The following FGF18 variants were observed in gnomAD, a reference collection of about 807,000 sequenced individuals.
FGF18 encodes fibroblast growth factor 18.
Under a neutral mutation model 23.0 loss-of-function variants are expected in FGF18, and 5 were observed. The observed-to-expected ratio is 0.22, with a 90% CI of 0.11 to 0.46. The LOEUF (loss-of-function observed/expected upper bound fraction) is 0.46. Among genes scored for constraint, FGF18 ranks in the 20% least tolerant of loss-of-function variants. The pLI, the probability that FGF18 is intolerant of heterozygous loss-of-function variation, is 0.99. For synonymous variants in FGF18, 117 were observed against 118.9 expected, an observed-to-expected ratio of 0.98 and a Z score of 0.10; for missense variants, 180 against 291.6, an observed-to-expected ratio of 0.62 and a Z score of 2.79.
rs980485436 is a variant in FGF18, at chr5:171,434,024, G to T, written c.70-2069G>T. On this transcript the variant is annotated intron_variant, in intron 2 of 4. Coordinates refer to ENST00000274625, the MANE Select transcript of FGF18 (RefSeq NM_003862.3). The surrounding 1 kb of genome is among the most constrained non-coding windows in gnomAD (Gnocchi z 4.6). ...TTTATAGGTGAGGAAACAGGCACTA[G>T]AGTTTAATAACTTGCATAAGGTCCC... Among the ~76,000 whole-genome samples the T allele has an allele frequency of 4.6e-5, 7 of 152,220 alleles. No homozygotes were observed. Among genetic ancestry groups the T allele is most frequent in the African/African-American group, 1.7e-4 (7 of 41,456 alleles).
chr5:171,420,594 G>T, intron 2 of FGF18, 151 bp downstream of exon 2: 1 of 743,084 alleles, frequency 1.3e-6, no homozygotes, highest in Non-Finnish European at 2.2e-6. Context: ...GGGCGGCTCC[G>T]CGTGCGCCCT....
At chr5:171,420,503 C>T in intron 2 of FGF18, 60 bp downstream of exon 2, 1 of 1,525,970 alleles carries the variant, frequency 6.6e-7, no homozygotes, top group Non-Finnish European at 9.1e-7. Flanking sequence ...ACGCCGACCC[C>T]CCTTCCCCGG....
intron 2 of FGF18, among the ~76,000 whole-genome samples, chr5:171,427,433 T>G (rs1772108105): frequency 6.6e-6 from 1 of 152,164 alleles, no homozygotes; most frequent in Admixed American, 6.5e-5. Context: ...TCAGGCCTCC[T>G]CCAGTCTGAG....
chr5:171,449,856 G>A (rs974224559), intron 4 of FGF18, among the ~76,000 whole-genome samples: 1 of 151,886 alleles, frequency 6.6e-6, no homozygotes, highest in Non-Finnish European at 1.5e-5. Context: ...GGGGACCCTC[G>A]GGTTGGGGAG....
At chr5:171,438,606 T>C (rs1772289031) in intron 3 of FGF18, among the ~76,000 whole-genome samples, 1 of 151,854 alleles carries the variant, frequency 6.6e-6, no homozygotes, top group South Asian at 2.1e-4. Flanking sequence ...GATTTTATGA[T>C]CCTCTCTCAA....
intron 2 of FGF18, among the ~76,000 whole-genome samples, chr5:171,420,933 A>G (rs1374977118): frequency 6.6e-6 from 1 of 152,208 alleles, no homozygotes; most frequent in African/African-American, 2.4e-5. Flanking sequence ...ACACACACAG[A>G]CACACACACA....
chr5:171,428,088 C>G (rs981322990), intron 2 of FGF18, among the ~76,000 whole-genome samples: 14 of 152,206 alleles, frequency 9.2e-5, no homozygotes, highest in Admixed American at 1.3e-4. Context: ...ATGTGAGCTG[C>G]GTATCTGCAT....
rs550484459 is a variant in FGF18 at position 171,456,832 on chromosome 5, G to T, written c.*27G>T. The T allele has an allele frequency of 2.5e-6, 4 of 1,583,962 alleles. No individual in the cohort carries two copies. Among genetic ancestry groups the T allele is most frequent in the Middle Eastern group, 1.8e-4 (1 of 5,430 alleles). On this transcript the variant is annotated 3_prime_UTR_variant, in exon 5 of 5. Transcript: ENST00000274625. This position sits in a 1 kb window ranked among gnomAD's most constrained non-coding sequence, Gnocchi z 6.1. The stretch of plus-strand genomic sequence containing the variant: ...CCACCCCGCCGCGGCCCCTCAGGTC[G>T]CCCTGGCCACACTCACACTCCCAGA...
chr5:171,445,069 G>C (rs1039844468), intron 3 of FGF18, among the ~76,000 whole-genome samples: 1 of 152,116 alleles, frequency 6.6e-6, no homozygotes, highest in Admixed American at 6.5e-5. Context: ...GTCTGGGAAG[G>C]CCTCTCTGAG....
intron 2 of FGF18, among the ~76,000 whole-genome samples, chr5:171,430,392 G>A (rs1772162524): frequency 6.6e-6 from 1 of 151,130 alleles, no homozygotes; most frequent in Non-Finnish European, 1.5e-5. Flanking sequence ...CCAACTCATA[G>A]GGTTTGTTCT....
chr5:171,447,671 G>A (rs1772438637), intron 3 of FGF18, among the ~76,000 whole-genome samples: 1 of 152,092 alleles, frequency 6.6e-6, no homozygotes, highest in African/African-American at 2.4e-5. Flanking sequence ...AGTTCCAGAT[G>A]GTTTTAATTT....
chr5:171,443,304 T>A (rs187210891), intron 3 of FGF18, among the ~76,000 whole-genome samples: 43 of 151,884 alleles, frequency 2.8e-4, no homozygotes, highest in African/African-American at 8.2e-4. Context: ...TAATTTTTTT[T>A]ATTTTTATTA....
At chr5:171,441,426 A>G (rs965856572) in intron 3 of FGF18, among the ~76,000 whole-genome samples, 13 of 152,184 alleles carry the variant, frequency 8.5e-5, no homozygotes, top group Non-Finnish European at 1.3e-4. Flanking sequence ...CCACAGCCAC[A>G]GCAGCCTTCC....
At position 171,457,016 on chromosome 5, in the gene FGF18, A is replaced by G; in HGVS notation, c.*211A>G. 1.6e-6 allele frequency: 1 copy of G among 611,348 alleles called. No individual in the cohort carries two copies. 37.9% of individuals were successfully genotyped at this position (611,348 alleles called of 1,614,324 possible). A position where few individuals can be genotyped will look rare whatever the true frequency, so the allele number is the denominator to read the frequency against. ...TGAAACCCCCGATGACAAAAGACTC[A>G]CGCAAAGGGACTGTAGTCAACCCAC... On this transcript the variant is annotated 3_prime_UTR_variant, in exon 5 of 5. Transcript: ENST00000274625.
intron 2 of FGF18, among the ~76,000 whole-genome samples, chr5:171,433,503 C>T (rs551084008): frequency 6.6e-6 from 1 of 152,296 alleles, no homozygotes; most frequent in African/African-American, 2.4e-5. Flanking sequence ...GGGGAGTCTT[C>T]CGGACAAATG....
chr5:171,451,542 G>A lies in FGF18; in HGVS notation c.357+2289G>A, dbSNP rs2113365030. 6.6e-6 allele frequency among the ~76,000 whole-genome samples: 1 copy of A among 152,290 alleles called. No homozygotes were observed. Among genetic ancestry groups the A allele is most frequent in the Admixed American group, 6.5e-5 (1 of 15,308 alleles). On this transcript the variant is annotated intron_variant, in intron 4 of 4. Coordinates refer to ENST00000274625, the MANE Select transcript of FGF18 (RefSeq NM_003862.3). This position sits in a 1 kb window ranked among gnomAD's most constrained non-coding sequence, Gnocchi z 4.5. ...CCGGAAATCGTTGCCCCAGCCGCCT[G>A]GCGTGTGGCTTCTGCATCTCCAGGC...
At chr5:171,453,911 T>C (rs540539422) in intron 4 of FGF18, among the ~76,000 whole-genome samples, 1 of 152,108 alleles carries the variant, frequency 6.6e-6, no homozygotes, top group East Asian at 1.9e-4. Flanking sequence ...CTTTCATGTG[T>C]CATCCCACCG....
At chr5:171,452,831 G>A (rs1226187787) in intron 4 of FGF18, among the ~76,000 whole-genome samples, 1 of 152,108 alleles carries the variant, frequency 6.6e-6, no homozygotes, top group African/African-American at 2.4e-5. Context: ...AACCTAAAAT[G>A]CCTTAAGCAA....
chr5:171,428,333 A>C (rs1772128575), intron 2 of FGF18, among the ~76,000 whole-genome samples: 1 of 152,168 alleles, frequency 6.6e-6, no homozygotes, highest in Non-Finnish European at 1.5e-5. Flanking sequence ...AGAGAGGGCC[A>C]GCACCTATCC....
Sources: allele counts gnomAD v4.1 joint callset (sites outside exome capture counted in the v4.1 genomes callset), GRCh38; gene constraint gnomAD v4.1.1; non-coding constraint Gnocchi (gnomAD v3.1); transcripts MANE v1.5; gene names NCBI Gene and HGNC (gene_info 2026-07-23, HGNC 2026-07-21).